DTHD1: variants seen among roughly 807,000 people sequenced by gnomAD.
The protein encoded by DTHD1 is death domain-containing protein 1.
Under a neutral mutation model 74.8 loss-of-function variants are expected in DTHD1, and 59 were observed. The ratio of observed to expected loss-of-function variants is 0.79; its 90% confidence interval spans 0.64 to 0.98. The LOEUF (loss-of-function observed/expected upper bound fraction) is 0.98. Among genes scored for constraint, DTHD1 ranks in the 50% least tolerant of loss-of-function variants. DTHD1 has a pLI of 0.00. For missense variants in DTHD1, 1,051 were observed against 1,065.4 expected, an observed-to-expected ratio of 0.99 and a Z score of 0.19; for synonymous variants, 365 against 371.1, an observed-to-expected ratio of 0.98 and a Z score of 0.19.
At chr4:36,315,610 A>G (rs1315370009) in intron 7 of DTHD1, 1 of 152,250 alleles carries the variant, frequency 6.6e-6, no homozygotes, top group Non-Finnish European at 1.5e-5. Flanking sequence ...ATGAATAGTT[A>G]GGGGAAAGGA....
chr4:36,325,474 T>G (rs1370428108), intron 8 of DTHD1, among the ~76,000 whole-genome samples: 1 of 152,172 alleles, frequency 6.6e-6, no homozygotes, highest in African/African-American at 2.4e-5. Context: ...CCTATAAGGA[T>G]AAACTAGAAA....
intron 7 of DTHD1, 39 bp downstream of exon 7, chr4:36,308,532 A>G: frequency 6.8e-7 from 1 of 1,473,638 alleles, no homozygotes; most frequent in Non-Finnish European, 9.1e-7. Flanking sequence ...TTTATTGGCT[A>G]TAAGCCACAA....
chr4:36,309,324 G>A (rs1667437143), intron 7 of DTHD1, among the ~76,000 whole-genome samples: 1 of 152,028 alleles, frequency 6.6e-6, no homozygotes, highest in African/African-American at 2.4e-5. Context: ...GTGGTGGCAG[G>A]TGCCTGTAAT....
At chr4:36,307,156 A>G (rs1370463787) in intron 6 of DTHD1, among the ~76,000 whole-genome samples, 1 of 152,216 alleles carries the variant, frequency 6.6e-6, no homozygotes, top group African/African-American at 2.4e-5. Flanking sequence ...GAATTTGAGA[A>G]TGGGTAGCCC....
chr4:36,318,995 A>G (rs917171733), intron 8 of DTHD1, among the ~76,000 whole-genome samples: 9 of 152,098 alleles, frequency 5.9e-5, no homozygotes, highest in Non-Finnish European at 1.2e-4. Flanking sequence ...TCCCTGAGAT[A>G]GTCCCATAGC....
Position 36,284,407 on chromosome 4 carries a change from A to G in DTHD1, c.703A>G (p.Asn235Asp). The G allele has an allele frequency of 6.5e-7, 1 of 1,537,170 alleles. No homozygotes were observed. Among genetic ancestry groups the G allele is most frequent in the Non-Finnish European group, 8.7e-7 (1 of 1,146,838 alleles). Residue 235 changes from asparagine to aspartate, a missense_variant, in exon 2 of 10, where the codon AAC becomes GAC. By Grantham distance (23) the Asn-to-Asp change is conservative. Transcript: ENST00000639862. The part of the protein sequence containing the change: ...EHMTVENING[N>D]REETHGIIQT... ...CATGACTGTTGAGAACATAAATGGC[A>G]ACAGGGAAGAGACTCATGGCATAAT...
intron 9 of DTHD1, among the ~76,000 whole-genome samples, chr4:36,340,814 T>C (rs13127651): frequency 0.32 from 48,644 of 151,566 alleles, 8,091 homozygotes; most frequent in South Asian, 0.43. Context: ...CATTGAGGGG[T>C]GAGGACAGAA....
At chr4:36,282,072 T>C (rs773899412) in intron 1 of DTHD1, 43 bp downstream of exon 1, 4 of 1,479,624 alleles carry the variant, frequency 2.7e-6, no homozygotes, top group Non-Finnish European at 3.6e-6. Flanking sequence ...CTAAGAAATA[T>C]TGATTAGGGC....
At chr4:36,294,571 A>G (rs920163910) in intron 4 of DTHD1, among the ~76,000 whole-genome samples, 2 of 152,010 alleles carry the variant, frequency 1.3e-5, no homozygotes, top group African/African-American at 4.8e-5. Context: ...AACATAAGAC[A>G]GGGAACCCAG....
Position 36,347,409 on chromosome 4 carries a change from C to A in DTHD1, c.*3585C>A, listed in dbSNP as rs1301396621. ...TATTAAAATTTTCATATCAATTAGA[C>A]TGTAGTCCCAATATATACCTAAGAG... On this transcript the variant is annotated 3_prime_UTR_variant, in exon 10 of 10. Transcript: ENST00000639862. 1.3e-5 allele frequency among the ~76,000 whole-genome samples: 2 copies of A among 152,030 alleles called. No individual in the cohort carries two copies. Among genetic ancestry groups the A allele is most frequent in the African/African-American group, 4.8e-5 (2 of 41,388 alleles).
At chr4:36,338,311 A>C (rs1181370052) in intron 8 of DTHD1, among the ~76,000 whole-genome samples, 1 of 152,146 alleles carries the variant, frequency 6.6e-6, no homozygotes, top group Non-Finnish European at 1.5e-5. Context: ...TTATTACTTT[A>C]GTTCCTGTAG....
intron 6 of DTHD1, 85 bp downstream of exon 6, chr4:36,306,437 A>T (rs1757057018): frequency 2.3e-6 from 3 of 1,326,254 alleles, no homozygotes; most frequent in Non-Finnish European, 3.0e-6. Context: ...TAGTAAGATT[A>T]AATTTTTATT....
intron 2 of DTHD1, among the ~76,000 whole-genome samples, chr4:36,284,939 G>A (rs1471516325): frequency 1.3e-5 from 2 of 152,024 alleles, no homozygotes; most frequent in Non-Finnish European, 2.9e-5. Context: ...ATCCCAAAAG[G>A]ACCCACCTCC....
At chr4:36,291,481 C>T (rs1756074556) in intron 3 of DTHD1, among the ~76,000 whole-genome samples, 2 of 152,148 alleles carry the variant, frequency 1.3e-5, no homozygotes, top group African/African-American at 4.8e-5. Context: ...AACTCTGAGG[C>T]TCTGTATGAT....
intron 5 of DTHD1, among the ~76,000 whole-genome samples, chr4:36,303,369 TTTTGA>T (rs1414960477): frequency 2.0e-5 from 3 of 152,238 alleles, no homozygotes; most frequent in Non-Finnish European, 2.9e-5. Flanking sequence ...TTAAGGACTC[TTTTGA>T]TTTAAGTGAT....
At chr4:36,307,692 T>A (rs1486017466) in intron 6 of DTHD1, among the ~76,000 whole-genome samples, 1 of 152,244 alleles carries the variant, frequency 6.6e-6, no homozygotes, top group Non-Finnish European at 1.5e-5. Context: ...CTGCATCCTA[T>A]GGAGTCAATA....
chr4:36,298,945 T>C (rs981972020), intron 5 of DTHD1, among the ~76,000 whole-genome samples: 19 of 152,160 alleles, frequency 1.2e-4, no homozygotes, highest in African/African-American at 4.6e-4. Context: ...ATTTATAAAA[T>C]ATATGTAAGT....
intron 1 of DTHD1, among the ~76,000 whole-genome samples, chr4:36,283,119 C>T (rs1755493765): frequency 6.6e-6 from 1 of 152,138 alleles, no homozygotes; most frequent in South Asian, 2.1e-4. Flanking sequence ...CCTTAAATTA[C>T]CTATTCTTTA....
At chr4:36,300,552 A>C (rs1176310675) in intron 5 of DTHD1, among the ~76,000 whole-genome samples, 4 of 152,224 alleles carry the variant, frequency 2.6e-5, no homozygotes, top group African/African-American at 9.6e-5. Context: ...AATTTGTATC[A>C]AAAAATTCTT....
Sources: gnomAD v4.1 joint callset for allele counts (sites outside exome capture counted in the v4.1 genomes callset) on GRCh38, gnomAD v4.1.1 for gene constraint, MANE v1.5 for transcripts, NCBI Gene and HGNC (gene_info 2026-07-23, HGNC 2026-07-21) for gene names.